The following LAMA3 variants were observed in gnomAD, a reference collection of about 807,000 sequenced individuals.
LAMA3 encodes laminin subunit alpha 3.
Under a neutral mutation model 402.0 loss-of-function variants are expected in LAMA3, and 281 were observed. That is an observed-to-expected ratio of 0.70 (90% CI 0.63 to 0.77). LAMA3 has a LOEUF of 0.77. Ranked by LOEUF, LAMA3 falls within the 30% of genes least tolerant of loss-of-function variation. The pLI, the probability that LAMA3 is intolerant of heterozygous loss-of-function variation, is 0.00. For synonymous variants in LAMA3, 1,431 were observed against 1,558.4 expected, an observed-to-expected ratio of 0.92 and a Z score of 1.93; for missense variants, 3,840 against 4,215.5, an observed-to-expected ratio of 0.91 and a Z score of 2.47.
Position 23,815,253 on chromosome 18 carries a change from G to C in LAMA3, c.1941+13G>C, listed in dbSNP as rs1386561465. ...AGAGTGTAGGCAGGTAAAGTGGGCT[G>C]AGTTTTCATGTGACAACAGCAGAAT... On this transcript the variant is annotated intron_variant, in intron 16 of 74. Transcript: ENST00000313654. 2.5e-6 allele frequency: 4 copies of C among 1,612,984 alleles called. No homozygotes were observed. The African/African-American group carries it at 5.3e-5, about 22-fold the overall frequency.
intron 12 of LAMA3, 21 bp downstream of exon 12, chr18:23,784,178 A>G (rs536419763): frequency 1.9e-6 from 3 of 1,613,830 alleles, no homozygotes; most frequent in South Asian, 2.2e-5. Context: ...AGAACATAGC[A>G]TATTCATAAT....
At chr18:23,845,259 C>T in intron 30 of LAMA3, 135 bp downstream of exon 30, 9 of 687,026 alleles carry the variant, frequency 1.3e-5, no homozygotes, top group South Asian at 1.2e-4. Flanking sequence ...TCAGTGAGTC[C>T]CAGGGGAAGA....
chr18:23,899,577 C>G (rs917203151), intron 47 of LAMA3, 122 bp downstream of exon 47: 1 of 1,000,878 alleles, frequency 1.0e-6, no homozygotes, highest in Admixed American at 2.0e-5. Context: ...GCGAATATTA[C>G]TGTTAGAGCA....
intron 12 of LAMA3, among the ~76,000 whole-genome samples, chr18:23,797,714 CAAA>C (rs751020854): frequency 8.3e-6 from 1 of 119,990 alleles, no homozygotes; most frequent in Admixed American, 8.7e-5. Context: ...GACTCCGTCT[CAAA>C]AAAAAAAAAA....
chr18:23,772,269 T>C (rs2062216627), intron 8 of LAMA3, among the ~76,000 whole-genome samples: 1 of 152,204 alleles, frequency 6.6e-6, no homozygotes, highest in Admixed American at 6.5e-5. Context: ...CTTGAACTCC[T>C]GACCTTGTGA....
At position 23,943,849 on chromosome 18, in the gene LAMA3, A is replaced by G. The variant is rs2082613852; in HGVS notation, c.9088A>G (p.Thr3030Ala). 1 of 1,614,014 alleles carries G rather than the reference A, an allele frequency of 6.2e-7. No homozygotes were observed. The highest frequency in any genetic ancestry group is 2.2e-5 in the East Asian group (1 of 44,890). ...CAGAGGACTGGTGTTTCACACGGGC[A>G]CTAAGAACTCCTTTATGGCTCTTTA... ...SSRGLVFHTG[T>A]KNSFMALYLS... Residue 3030 changes from threonine to alanine, a missense_variant, in exon 69 of 75, where the codon ACT becomes GCT. Thr to Ala is a moderately conservative substitution (Grantham distance 58). Transcript: ENST00000313654.
At chr18:23,783,705 G>A (rs2062482245) in intron 11 of LAMA3, among the ~76,000 whole-genome samples, 1 of 152,130 alleles carries the variant, frequency 6.6e-6, no homozygotes, top group Admixed American at 6.5e-5. Context: ...CATGAGATGG[G>A]AATCTATTAA....
Position 23,904,712 on chromosome 18 carries a change from C to A in LAMA3, c.6615+18C>A. The A allele has an allele frequency of 5.0e-6, 8 of 1,613,380 alleles. No individual in the cohort carries two copies. The highest frequency in any genetic ancestry group is 3.3e-5 in the South Asian group (3 of 90,986). On this transcript the variant is annotated intron_variant, in intron 51 of 74. Transcript: ENST00000313654. ...CCCTCCAGGTGGGCACCTGTACCAG[C>A]AGCTTCTCCACATTCGCTGTGGAGA...
At chr18:23,691,115 G>C (rs2060580307) in intron 1 of LAMA3, among the ~76,000 whole-genome samples, 1 of 151,874 alleles carries the variant, frequency 6.6e-6, no homozygotes, top group South Asian at 2.1e-4. Context: ...GTGGGAAGAG[G>C]GAGCGATTTT....
chr18:23,808,995 T>C (rs895559577), intron 12 of LAMA3, among the ~76,000 whole-genome samples: 3 of 152,218 alleles, frequency 2.0e-5, no homozygotes, highest in African/African-American at 7.2e-5. Context: ...TACACTACAC[T>C]GGATAAAAAT....
intron 37 of LAMA3, among the ~76,000 whole-genome samples, chr18:23,869,595 A>G (rs1158415975): frequency 6.6e-6 from 1 of 152,212 alleles, no homozygotes; most frequent in Non-Finnish European, 1.5e-5. Flanking sequence ...TAAGCATCAT[A>G]TTTGTATGTT....
At position 23,941,603 on chromosome 18, in the gene LAMA3, G is replaced by A. The variant is rs182341136; in HGVS notation, c.9027-2185G>A. Among the ~76,000 whole-genome samples, 3 of 152,230 alleles carry A rather than the reference G, an allele frequency of 2.0e-5. No individual in the cohort carries two copies. In the East Asian group the frequency reaches 5.8e-4, roughly 29 times the overall value. ...TCTCATTCTGATTTACATTCTAGCA[G>A]TGTTCTGACACTCCTTTAAACTGGT... On this transcript the variant is annotated intron_variant, in intron 68 of 74. Coordinates refer to ENST00000313654, the MANE Select transcript of LAMA3 (RefSeq NM_198129.4).
intron 34 of LAMA3, among the ~76,000 whole-genome samples, chr18:23,860,693 AT>A (rs11395191): frequency 1.1e-3 from 156 of 136,648 alleles, no homozygotes; most frequent in Non-Finnish European, 1.3e-3. Flanking sequence ...TCAAAAAAAG[AT>A]TTTTTTTTTT....
At chr18:23,721,666 A>G (rs2061215478) in intron 2 of LAMA3, among the ~76,000 whole-genome samples, 1 of 152,146 alleles carries the variant, frequency 6.6e-6, no homozygotes, top group Non-Finnish European at 1.5e-5. Flanking sequence ...ACCATTTAGT[A>G]AACTCATTAT....
chr18:23,826,563 A>G, intron 21 of LAMA3, 139 bp from the exon 22 acceptor site: 2 of 712,776 alleles, frequency 2.8e-6, no homozygotes, highest in Non-Finnish European at 2.5e-6. Context: ...GGGATGAAGA[A>G]CAAAGCAGTT....
chr18:23,806,339 TG>T (rs2062962234), intron 12 of LAMA3, among the ~76,000 whole-genome samples: 1 of 152,232 alleles, frequency 6.6e-6, no homozygotes, highest in South Asian at 2.1e-4. Context: ...TTAGTTCTTT[TG>T]AAGTGTAGCG....
At chr18:23,729,882 C>T (rs904012399) in intron 2 of LAMA3, among the ~76,000 whole-genome samples, 1 of 152,194 alleles carries the variant, frequency 6.6e-6, no homozygotes, top group Admixed American at 6.5e-5. Context: ...ATGTACGTGA[C>T]GCTCCCGTCC....
intron 42 of LAMA3, among the ~76,000 whole-genome samples, chr18:23,892,650 C>T (rs1018264897): frequency 6.6e-6 from 1 of 151,946 alleles, no homozygotes; most frequent in Non-Finnish European, 1.5e-5. Flanking sequence ...TGCCTGTAAT[C>T]CCAGCACTTT....
chr18:23,898,047 C>G (rs1253485208), intron 44 of LAMA3, among the ~76,000 whole-genome samples: 1 of 151,718 alleles, frequency 6.6e-6, no homozygotes, highest in Admixed American at 6.6e-5. Context: ...ATCATTTTTT[C>G]CTATAAACTT....
Sources: allele counts gnomAD v4.1 joint callset (sites outside exome capture counted in the v4.1 genomes callset), GRCh38; gene constraint gnomAD v4.1.1; transcripts MANE v1.5; gene names NCBI Gene and HGNC (gene_info 2026-07-23, HGNC 2026-07-21).